LRRC66: variants seen among roughly 807,000 people sequenced by gnomAD.
LRRC66 encodes leucine-rich repeat-containing protein 66.
In LRRC66, 29 loss-of-function variants were observed where a neutral mutation model predicts 24.6. The observed-to-expected ratio is 1.18, with a 90% CI of 0.88 to 1.61. The LOEUF (loss-of-function observed/expected upper bound fraction) is 1.61. Among genes scored for constraint, LRRC66 ranks in the 40% most tolerant of loss-of-function variants. The pLI is 0.00. For synonymous variants in LRRC66, 411 were observed against 397.6 expected, an observed-to-expected ratio of 1.03 and a Z score of -0.40; for missense variants, 1,124 against 1,058.0, an observed-to-expected ratio of 1.06 and a Z score of -0.87.
rs1484480125 is a variant in LRRC66 at position 51,995,095 on chromosome 4, C to T, written c.1927G>A (p.Ala643Thr). The change falls in exon 5 of 5, where the codon GCA becomes ACA. Residue 643 changes from alanine to threonine, a missense_variant. By Grantham distance (58) the Ala-to-Thr change is moderately conservative. Transcript: ENST00000682860. Reference protein sequence around the residue: ...LSIQQPRLSGARAEEALSAHY... With the variant: ...LSIQQPRLSGTRAEEALSAHY... ...GCTGAAAGCGCTTCCTCAGCCCTTG[C>T]CCCGGACAGCCTTGGCTGCTGTATG... 3.7e-6 allele frequency: 6 copies of T among 1,614,088 alleles called. No homozygotes were observed. The African/African-American group carries it at 4.0e-5, about 11-fold the overall frequency.
In LRRC66 at chr4:51,994,572, T is replaced by C. The variant is rs762224954; in HGVS notation, c.2450A>G (p.Glu817Gly). Reference sequence around the variant, plus strand: ...ATCATAAGTGAACATGCCCGGAAACTCATCCCCTAAGGGACTATTCCCTGG... The same window carrying C: ...ATCATAAGTGAACATGCCCGGAAACCCATCCCCTAAGGGACTATTCCCTGG... ...RSPGNSPLGD[E>G]FPGMFTYDYD... Residue 817 changes from glutamate (E) to glycine (G), a missense_variant, in exon 5 of 5, where the codon GAG (glutamate) becomes GGG (glycine). Glu to Gly is a moderately conservative substitution (Grantham distance 98). Transcript: ENST00000682860. The C allele has an allele frequency of 9.9e-6, 16 of 1,614,178 alleles. 1 individual carries two copies. The South Asian group carries it at 1.8e-4, about 18-fold the overall frequency.
At chr4:51,997,670 T>C (rs1736354109) in intron 4 of LRRC66, 78 bp downstream of exon 4, 8 of 1,344,730 alleles carry the variant, frequency 5.9e-6, no homozygotes, top group Middle Eastern at 1.9e-4. Flanking sequence ...GGACTGTCAT[T>C]ATTTCAAAAA....
rs144370051 is a variant in LRRC66, at chr4:51,998,062, C to T, written c.667-125G>A. Reference sequence around the variant, plus strand: ...GCAATATGGATTTAACACTGGTTTACAAGTCAGGGAATTAGTGGGGTTTTA... The same window carrying T: ...GCAATATGGATTTAACACTGGTTTATAAGTCAGGGAATTAGTGGGGTTTTA... On this transcript the variant is annotated intron_variant, in intron 3 of 4. Coordinates refer to ENST00000682860, the MANE Select transcript of LRRC66 (RefSeq NM_001024611.3). 122 of 795,642 alleles carry T rather than the reference C, an allele frequency of 1.5e-4. No individual in the cohort carries two copies. The African/African-American group carries it at 1.9e-3, about 13-fold the overall frequency. The allele number at this position is 795,642 out of a possible 1,614,324, so 49.3% of individuals were successfully genotyped here. A position where few individuals can be genotyped will look rare whatever the true frequency, so the allele number is the denominator to read the frequency against.
Position 52,016,413 on chromosome 4 carries a change from T to A in LRRC66, c.496+705A>T, listed in dbSNP as rs554979388. On this transcript the variant is annotated intron_variant, in intron 2 of 4. Coordinates refer to ENST00000682860, the MANE Select transcript of LRRC66 (RefSeq NM_001024611.3). ...AAAACAAACAAGGAAAGGAAATTAA[T>A]TGTCTAGCACTCTGGAATATAAAAA... Among the ~76,000 whole-genome samples, 14 of 152,328 alleles carry A rather than the reference T, an allele frequency of 9.2e-5. No homozygotes were observed. In the South Asian group the frequency reaches 2.5e-3, roughly 27 times the overall value.
chr4:52,012,380 G>A (rs867721326), intron 2 of LRRC66, among the ~76,000 whole-genome samples: 18 of 152,074 alleles, frequency 1.2e-4, no homozygotes, highest in African/African-American at 4.3e-4. Flanking sequence ...AGACCAGGAA[G>A]TTCAGTTTAC....
chr4:52,018,109 T>G (rs1225948179), intron 1 of LRRC66: 13 of 985,332 alleles, frequency 1.3e-5, no homozygotes, highest in African/African-American at 5.2e-5. Context: ...AAAGTTTAAC[T>G]CACAAAAGAG....
intron 2 of LRRC66, among the ~76,000 whole-genome samples, chr4:52,006,980 C>T (rs1462449025): frequency 6.6e-6 from 1 of 152,066 alleles, no homozygotes; most frequent in Non-Finnish European, 1.5e-5. Context: ...TACCCTTTAA[C>T]CATGCCCATC....
intron 2 of LRRC66, among the ~76,000 whole-genome samples, chr4:52,010,809 T>G (rs1446580133): frequency 6.6e-6 from 1 of 152,194 alleles, no homozygotes. Context: ...TATTTTTCCT[T>G]TGCATATACA....
At chr4:52,008,096 T>C (rs1328534132) in intron 2 of LRRC66, among the ~76,000 whole-genome samples, 1 of 152,130 alleles carries the variant, frequency 6.6e-6, no homozygotes, top group African/African-American at 2.4e-5. Context: ...ACTGACACTA[T>C]CTTGTGAATG....
At position 52,017,570 on chromosome 4, in the gene LRRC66, A is replaced by G; in HGVS notation, c.44T>C (p.Leu15Pro). The G allele has an allele frequency of 6.2e-7, 1 of 1,606,548 alleles. No individual in the cohort carries two copies. Among genetic ancestry groups the G allele is most frequent in the Non-Finnish European group, 8.5e-7 (1 of 1,177,670 alleles). Residue 15 changes from leucine (L) to proline (P), a missense_variant, in exon 2 of 5, where the codon CTT (leucine) becomes CCT (proline). By Grantham distance (98) the Leu-to-Pro change is moderately conservative. Coordinates refer to ENST00000682860, the MANE Select transcript of LRRC66 (RefSeq NM_001024611.3). ...YFRVITIVIGLYFTGIMTNAS... is the reference protein window; with the variant it reads ...YFRVITIVIGPYFTGIMTNAS... The stretch of plus-strand genomic sequence containing the variant: ...ATTTGTCATTATTCCAGTAAAATAA[A>G]GACCTATAACTATGGTAATGACTCT...
intron 3 of LRRC66, among the ~76,000 whole-genome samples, chr4:52,002,239 T>A (rs962485178): frequency 3.3e-5 from 5 of 152,212 alleles, no homozygotes; most frequent in Non-Finnish European, 7.3e-5. Flanking sequence ...GAAATTCACT[T>A]GCTTATTTTA....
chr4:51,994,214 C>A lies in LRRC66; in HGVS notation c.*165G>T, dbSNP rs377708980. On this transcript the variant is annotated 3_prime_UTR_variant, in exon 5 of 5. Coordinates refer to ENST00000682860, the MANE Select transcript of LRRC66 (RefSeq NM_001024611.3). Reference sequence around the variant, plus strand: ...TAGCTTATAACCCTTCTAGAATCATCGCCCTCAAGTGGGCCCACAAAACCC... The same window carrying A: ...TAGCTTATAACCCTTCTAGAATCATAGCCCTCAAGTGGGCCCACAAAACCC... 67 of 639,622 alleles carry A rather than the reference C, an allele frequency of 1.0e-4. 1 individual carries two copies. In the East Asian group the frequency reaches 1.6e-3, roughly 15 times the overall value. 39.6% of individuals were successfully genotyped at this position (639,622 alleles called of 1,614,324 possible).
At chr4:52,001,385 G>A (rs1239120367) in intron 3 of LRRC66, among the ~76,000 whole-genome samples, 4 of 152,162 alleles carry the variant, frequency 2.6e-5, no homozygotes, top group African/African-American at 9.7e-5. Context: ...AGGAGTGCAG[G>A]GAGCCAGGGA....
intron 2 of LRRC66, among the ~76,000 whole-genome samples, chr4:52,014,116 G>T (rs1388829965): frequency 6.6e-6 from 1 of 152,190 alleles, no homozygotes; most frequent in Non-Finnish European, 1.5e-5. Context: ...AGCCGGGCTG[G>T]TGGCACATGC....
chr4:52,007,944 A>G (rs1329914630), intron 2 of LRRC66, among the ~76,000 whole-genome samples: 1 of 152,012 alleles, frequency 6.6e-6, no homozygotes, highest in African/African-American at 2.4e-5. Context: ...ACAACTAACT[A>G]TGTTAGAGTA....
intron 3 of LRRC66, among the ~76,000 whole-genome samples, chr4:52,002,987 C>T (rs537646190): frequency 6.6e-6 from 1 of 152,268 alleles, no homozygotes; most frequent in African/African-American, 2.4e-5. Context: ...AATAATGTGT[C>T]AATTCTTGCT....
chr4:52,014,309 C>A (rs1432238539), intron 2 of LRRC66, among the ~76,000 whole-genome samples: 2 of 152,112 alleles, frequency 1.3e-5, no homozygotes, highest in African/African-American at 4.8e-5. Flanking sequence ...TTATTTGTTT[C>A]TAAATATACT....
intron 3 of LRRC66, among the ~76,000 whole-genome samples, chr4:52,002,922 T>C (rs1736489463): frequency 1.3e-5 from 2 of 152,206 alleles, no homozygotes; most frequent in African/African-American, 4.8e-5. Context: ...TAAGATTTAA[T>C]TCCTTGCCAA....
chr4:51,998,729 C>T (rs555468077), intron 3 of LRRC66, among the ~76,000 whole-genome samples: 6 of 152,154 alleles, frequency 3.9e-5, no homozygotes, highest in Non-Finnish European at 8.8e-5. Flanking sequence ...GTGTCGGACA[C>T]GACAGGAGCA....
Sources: gnomAD v4.1 joint callset for allele counts (sites outside exome capture counted in the v4.1 genomes callset) on GRCh38, gnomAD v4.1.1 for gene constraint, MANE v1.5 for transcripts, NCBI Gene and HGNC (gene_info 2026-07-23, HGNC 2026-07-21) for gene names.